Variants in TMEM108 observed in about 807,000 individuals in gnomAD.
The protein encoded by TMEM108 is transmembrane protein 108.
In TMEM108, 12 loss-of-function variants were observed where a neutral mutation model predicts 35.1. The observed-to-expected ratio is 0.34, with a 90% CI of 0.22 to 0.55. TMEM108 has a LOEUF of 0.55. Ranked by LOEUF, TMEM108 falls within the 20% of genes least tolerant of loss-of-function variation. TMEM108 has a pLI of 0.89. For missense variants in TMEM108, 680 were observed against 753.3 expected, an observed-to-expected ratio of 0.90 and a Z score of 1.14; for synonymous variants, 287 against 308.6, an observed-to-expected ratio of 0.93 and a Z score of 0.73.
intron 2 of TMEM108, among the ~76,000 whole-genome samples, chr3:133,185,146 C>A (rs1945400395): frequency 6.6e-6 from 1 of 152,120 alleles, no homozygotes; most frequent in Admixed American, 6.5e-5. Flanking sequence ...TCTACTTATA[C>A]ACCTTATCAA....
intron 3 of TMEM108, among the ~76,000 whole-genome samples, chr3:133,233,441 G>C (rs1300763785): frequency 6.6e-6 from 1 of 152,178 alleles, no homozygotes; most frequent in East Asian, 1.9e-4. Flanking sequence ...GTCTGTCATT[G>C]TTGGACATTT....
At chr3:133,338,637 A>C (rs547867682) in intron 3 of TMEM108, among the ~76,000 whole-genome samples, 1 of 152,076 alleles carries the variant, frequency 6.6e-6, no homozygotes, top group African/African-American at 2.4e-5. Flanking sequence ...AGTATTAGTA[A>C]GTACACAGAA....
At chr3:133,085,351 C>G (rs1435054082) in intron 2 of TMEM108, among the ~76,000 whole-genome samples, 1 of 152,146 alleles carries the variant, frequency 6.6e-6, no homozygotes, top group Non-Finnish European at 1.5e-5. Context: ...CACCAAAGGC[C>G]TTGCCCACTA....
chr3:133,072,507 T>C (rs1943687815), intron 2 of TMEM108, among the ~76,000 whole-genome samples: 1 of 152,034 alleles, frequency 6.6e-6, no homozygotes, highest in African/African-American at 2.4e-5. Flanking sequence ...ATAACTCTTA[T>C]GTCAGTTACC....
intron 2 of TMEM108, among the ~76,000 whole-genome samples, chr3:133,086,015 T>A (rs1289344890): frequency 1.3e-5 from 2 of 152,218 alleles, no homozygotes; most frequent in Non-Finnish European, 1.5e-5. Context: ...AATTTCTGTC[T>A]TTGACTGCTG....
At chr3:133,134,550 C>G (rs574670183) in intron 2 of TMEM108, among the ~76,000 whole-genome samples, 3 of 149,786 alleles carry the variant, frequency 2.0e-5, no homozygotes, top group African/African-American at 7.3e-5. Context: ...TGCTTATTAA[C>G]GCTATTTCTT....
At chr3:133,210,462 TC>T (rs1945819547) in intron 2 of TMEM108, among the ~76,000 whole-genome samples, 1 of 152,108 alleles carries the variant, frequency 6.6e-6, no homozygotes, top group Non-Finnish European at 1.5e-5. Flanking sequence ...AATTTCTCCA[TC>T]CCATAACCTG....
At chr3:133,112,984 AT>A (rs1467749825) in intron 2 of TMEM108, among the ~76,000 whole-genome samples, 1 of 152,234 alleles carries the variant, frequency 6.6e-6, no homozygotes, top group East Asian at 1.9e-4. Flanking sequence ...AACACTGTTA[AT>A]ATGGTTAAAT....
At chr3:133,281,543 A>G (rs1355844303) in intron 3 of TMEM108, among the ~76,000 whole-genome samples, 1 of 152,222 alleles carries the variant, frequency 6.6e-6, no homozygotes, top group African/African-American at 2.4e-5. Context: ...TTAAACAAAA[A>G]CTGTTACGTC....
Position 133,243,775 on chromosome 3 carries a change from G to A in TMEM108, c.40+14424G>A, listed in dbSNP as rs952151467. On this transcript the variant is annotated intron_variant, in intron 3 of 5. Transcript: ENST00000321871. ...CCTGACCTCGTGATCCACCCGCCTT[G>A]GCCTCCCAAAAGTGCTGGGATTACA... Among the ~76,000 whole-genome samples, 7 of 9,504 alleles carry A rather than the reference G, an allele frequency of 7.4e-4. No homozygotes were observed. The East Asian group carries it at 0.38, about 509-fold the overall frequency. 6.2% of individuals were successfully genotyped at this position (9,504 alleles called of 152,430 possible).
intron 2 of TMEM108, among the ~76,000 whole-genome samples, chr3:133,227,483 G>A (rs555604888): frequency 3.4e-5 from 5 of 148,258 alleles, no homozygotes; most frequent in South Asian, 2.2e-4. Flanking sequence ...GTGAGCCACC[G>A]CGCCCGGCCT....
intron 3 of TMEM108, among the ~76,000 whole-genome samples, chr3:133,268,942 C>T (rs1315882995): frequency 1.3e-5 from 2 of 152,218 alleles, no homozygotes; most frequent in Non-Finnish European, 2.9e-5. Flanking sequence ...CAATTAACTA[C>T]TGGGCTTCAC....
chr3:133,308,846 G>T (rs1169836002), intron 3 of TMEM108, among the ~76,000 whole-genome samples: 1 of 151,834 alleles, frequency 6.6e-6, no homozygotes, highest in African/African-American at 2.4e-5. Flanking sequence ...TCTTTGCCAG[G>T]CTTTGGTATC....
chr3:133,368,801 A>G (rs1425023206), intron 3 of TMEM108, among the ~76,000 whole-genome samples: 2 of 152,220 alleles, frequency 1.3e-5, no homozygotes, highest in East Asian at 1.9e-4. Flanking sequence ...ACATGGTTTC[A>G]AAAGTATTAT....
intron 2 of TMEM108, among the ~76,000 whole-genome samples, chr3:133,188,425 CT>C (rs11391699): frequency 0.023 from 3,306 of 142,972 alleles, 125 homozygotes; most frequent in African/African-American, 0.077. Context: ...TGTTTTGTTC[CT>C]TTTTTTTTTT....
At chr3:133,045,117 G>A (rs183170154) in intron 1 of TMEM108, among the ~76,000 whole-genome samples, 4 of 152,066 alleles carry the variant, frequency 2.6e-5, no homozygotes, top group East Asian at 1.9e-4. Flanking sequence ...ACAGGCACCC[G>A]CCACCATGCC....
At chr3:133,179,258 G>C (rs1238405820) in intron 2 of TMEM108, among the ~76,000 whole-genome samples, 1 of 152,120 alleles carries the variant, frequency 6.6e-6, no homozygotes. Flanking sequence ...CGATTCCTCA[G>C]AGATCTAGAA....
intron 2 of TMEM108, among the ~76,000 whole-genome samples, chr3:133,118,791 A>G: frequency 6.6e-6 from 1 of 152,188 alleles, no homozygotes; most frequent in East Asian, 1.9e-4. Context: ...ATCAGATGCC[A>G]GGGTGTTTCA....
intron 2 of TMEM108, among the ~76,000 whole-genome samples, chr3:133,199,083 T>C (rs1269855525): frequency 6.6e-6 from 1 of 152,248 alleles, no homozygotes; most frequent in Non-Finnish European, 1.5e-5. Context: ...TTGAATCAGC[T>C]ACTGAAGGTT....
Sources: gnomAD v4.1 joint callset for allele counts (sites outside exome capture counted in the v4.1 genomes callset) on GRCh38, gnomAD v4.1.1 for gene constraint, MANE v1.5 for transcripts, NCBI Gene and HGNC (gene_info 2026-07-23, HGNC 2026-07-21) for gene names.